The following NTRK3 variants were observed in gnomAD, a reference collection of about 807,000 sequenced individuals.
NTRK3 encodes NT-3 growth factor receptor.
NTRK3 carries 24 observed loss-of-function variants against 91.7 expected under a neutral mutation model. The observed-to-expected ratio is 0.26, with a 90% CI of 0.19 to 0.37. The LOEUF is 0.37. Ranked by LOEUF, NTRK3 falls within the 10% of genes least tolerant of loss-of-function variation. NTRK3 has a pLI of 1.00. For synonymous variants in NTRK3, 483 were observed against 404.0 expected, an observed-to-expected ratio of 1.20 and a Z score of -2.34; for missense variants, 880 against 1,068.9, an observed-to-expected ratio of 0.82 and a Z score of 2.46.
intron 17 of NTRK3, among the ~76,000 whole-genome samples, chr15:87,904,090 A>T (rs564834054): frequency 6.6e-6 from 1 of 152,066 alleles, no homozygotes; most frequent in South Asian, 2.1e-4. Flanking sequence ...ATATCCCAGC[A>T]TGCTACTTTA....
At position 87,998,087 on chromosome 15, in the gene NTRK3, G is replaced by C. The variant is rs573232825; in HGVS notation, c.1585+34770C>G. ...TTTGGGGGGCTGTCCTGAGCATTGT[G>C]GGATATTTAGCAGTATCCCTGGTCT... On this transcript the variant is annotated intron_variant, in intron 14 of 18. Coordinates refer to ENST00000394480, the Ensembl canonical transcript of NTRK3. Among the ~76,000 whole-genome samples the C allele has an allele frequency of 2.2e-4, 34 of 152,312 alleles. No homozygotes were observed. In the East Asian group the frequency reaches 6.6e-3, roughly 29 times the overall value.
At chr15:88,119,739 G>A (rs2052497939) in intron 13 of NTRK3, among the ~76,000 whole-genome samples, 1 of 152,228 alleles carries the variant, frequency 6.6e-6, no homozygotes, top group African/African-American at 2.4e-5. Flanking sequence ...ATCTTGGGAA[G>A]CCAGGAAACC....
At position 88,234,933 on chromosome 15, in the gene NTRK3, C is replaced by T. The variant is rs1011587520; in HGVS notation, c.248+20973G>A. Among the ~76,000 whole-genome samples the T allele has an allele frequency of 6.6e-6, 1 of 152,162 alleles. No homozygotes were observed. Among genetic ancestry groups the T allele is most frequent in the African/African-American group, 2.4e-5 (1 of 41,448 alleles). On this transcript the variant is annotated intron_variant, in intron 3 of 18. Transcript: ENST00000394480. The surrounding 1 kb of genome is among the most constrained non-coding windows in gnomAD (Gnocchi z 6.1). Reference sequence around the variant, plus strand: ...CCGACACACTTCCAGCCCCTTCCAACCTGAGAGGCGTTGCACTGGCTACGC... The same window carrying T: ...CCGACACACTTCCAGCCCCTTCCAATCTGAGAGGCGTTGCACTGGCTACGC...
chr15:88,076,150 C>A (rs2047523395), intron 13 of NTRK3, among the ~76,000 whole-genome samples: 1 of 152,168 alleles, frequency 6.6e-6, no homozygotes, highest in African/African-American at 2.4e-5. Context: ...CTGGGGAGGC[C>A]TCACAATTAT....
chr15:88,162,973 G>A (rs1489907233), intron 5 of NTRK3, among the ~76,000 whole-genome samples: 2 of 152,136 alleles, frequency 1.3e-5, no homozygotes, highest in Admixed American at 6.5e-5. Flanking sequence ...GCAAAAGAGT[G>A]AGAGGCACCC....
At position 88,044,578 on chromosome 15, in the gene NTRK3, C is replaced by G. The variant is rs866961166; in HGVS notation, c.1397-11533G>C. On this transcript the variant is annotated intron_variant, in intron 13 of 18. Transcript: ENST00000394480. ...GCCTGGCCCACCACACCCGCCCCCC[C>G]ACCCCACCACCACCTCAACCTACAT... Among the ~76,000 whole-genome samples the G allele has an allele frequency of 5.1e-3, 756 of 146,800 alleles. 7 individuals are homozygous for G. Among genetic ancestry groups the G allele is most frequent in the African/African-American group, 0.018 (715 of 39,606 alleles).
At chr15:87,986,208 C>T (rs927852070) in intron 14 of NTRK3, among the ~76,000 whole-genome samples, 38 of 152,192 alleles carry the variant, frequency 2.5e-4, no homozygotes, top group Non-Finnish European at 5.4e-4. Flanking sequence ...CCTTGTACTT[C>T]AAAATATCTG....
chr15:87,925,631 C>G (rs1479151796), intron 17 of NTRK3: 1 of 206,012 alleles, frequency 4.9e-6, no homozygotes, highest in East Asian at 7.2e-5. Flanking sequence ...TCTGACAAAT[C>G]AGAGCATTCC....
intron 14 of NTRK3, among the ~76,000 whole-genome samples, chr15:87,949,651 G>T (rs887116613): frequency 6.6e-6 from 1 of 152,002 alleles, no homozygotes; most frequent in Non-Finnish European, 1.5e-5. Flanking sequence ...ATGCTCCACC[G>T]CCATGAGCTC....
chr15:88,101,016 G>A (rs2050119363), intron 13 of NTRK3, among the ~76,000 whole-genome samples: 1 of 152,178 alleles, frequency 6.6e-6, no homozygotes, highest in Non-Finnish European at 1.5e-5. Context: ...ATTGACAAAT[G>A]GGATCTAATT....
intron 13 of NTRK3, among the ~76,000 whole-genome samples, chr15:88,102,146 C>T (rs955121583): frequency 6.6e-6 from 1 of 152,182 alleles, no homozygotes; most frequent in Non-Finnish European, 1.5e-5. Flanking sequence ...AGGCCAGCAT[C>T]TCCCCTGGTC....
intron 5 of NTRK3, among the ~76,000 whole-genome samples, chr15:88,162,232 A>T (rs1488058127): frequency 6.6e-6 from 1 of 152,196 alleles, no homozygotes; most frequent in Admixed American, 6.5e-5. Flanking sequence ...TGAACAGCTC[A>T]TTTCTCTAGG....
At chr15:87,883,154 T>G (rs1169791004) in intron 17 of NTRK3, among the ~76,000 whole-genome samples, 1 of 151,148 alleles carries the variant, frequency 6.6e-6, no homozygotes, top group Non-Finnish European at 1.5e-5. Context: ...TATAGCCAAT[T>G]ACATTTCTTT....
rs372893297 is a variant in NTRK3, at chr15:87,890,508, T to C, written c.2134-10080A>G. On this transcript the variant is annotated intron_variant, in intron 17 of 18. Transcript: ENST00000394480. Reference sequence around the variant, plus strand: ...ATAATGAATTCATCCCATAGCATCCTCCAGAGGTGACCAATGAGAGGTTTG... The same window carrying C: ...ATAATGAATTCATCCCATAGCATCCCCCAGAGGTGACCAATGAGAGGTTTG... Among the ~76,000 whole-genome samples, 3 of 152,072 alleles carry C rather than the reference T, an allele frequency of 2.0e-5. No individual in the cohort carries two copies. The East Asian group carries it at 5.8e-4, about 29-fold the overall frequency.
At chr15:87,863,807 G>C (rs2064588012) in exon 19 of NTRK3, 1 of 231,368 alleles carries the variant, frequency 4.3e-6, no homozygotes, top group Admixed American at 5.6e-5. Flanking sequence ...GAAATATTTG[G>C]GTAAAACTTT....
intron 14 of NTRK3, among the ~76,000 whole-genome samples, chr15:88,008,812 C>T (rs937498652): frequency 2.0e-5 from 3 of 152,140 alleles, no homozygotes; most frequent in Admixed American, 1.3e-4. Flanking sequence ...TGACCACTAA[C>T]GGAAATGGAA....
chr15:88,158,019 G>A (rs146772783), intron 5 of NTRK3, among the ~76,000 whole-genome samples: 13 of 152,282 alleles, frequency 8.5e-5, no homozygotes, highest in South Asian at 2.1e-4. Context: ...TCACGGGCCC[G>A]GGTGCCGGTC....
chr15:87,911,866 T>G (rs981721055), intron 17 of NTRK3, among the ~76,000 whole-genome samples: 1 of 152,242 alleles, frequency 6.6e-6, no homozygotes, highest in African/African-American at 2.4e-5. Flanking sequence ...ATCAGTGAAA[T>G]AAGGCATGAA....
chr15:87,864,174 G>C (rs1258092182), exon 19 of NTRK3: 1 of 232,584 alleles, frequency 4.3e-6, no homozygotes, highest in Non-Finnish European at 8.5e-6. Flanking sequence ...ATTTTAATTT[G>C]ACAGTTCCTC....
Sources: allele counts gnomAD v4.1 joint callset (sites outside exome capture counted in the v4.1 genomes callset), GRCh38; gene constraint gnomAD v4.1.1; non-coding constraint Gnocchi (gnomAD v3.1); transcripts MANE v1.5; gene names NCBI Gene and HGNC (gene_info 2026-07-23, HGNC 2026-07-21).